The following RORB variants were observed in gnomAD, a reference collection of about 807,000 sequenced individuals.
The protein encoded by RORB is RAR related orphan receptor B.
Under a neutral mutation model 59.1 loss-of-function variants are expected in RORB, and 6 were observed. The ratio of observed to expected loss-of-function variants is 0.10; its 90% CI spans 0.06 to 0.20. The LOEUF is 0.20. Ranked by LOEUF, RORB falls within the 10% of genes least tolerant of loss-of-function variation. The probability of loss-of-function intolerance (pLI) is 1.00; values close to 1 mark genes in which losing one functional copy is unlikely to be tolerated. For missense variants in RORB, 320 were observed against 560.5 expected (o/e 0.57, Z 4.33); for synonymous variants, 215 against 204.5 (o/e 1.05, Z -0.44).
chr9:74,621,677 G>A (rs1054816566), intron 1 of RORB, among the ~76,000 whole-genome samples: 38 of 152,172 alleles, frequency 2.5e-4, no homozygotes, highest in Non-Finnish European at 4.1e-4. Context: ...GCCTTCCAAA[G>A]TGGGTGTACC....
intron 7 of RORB, among the ~76,000 whole-genome samples, chr9:74,666,617 C>G (rs1027141306): frequency 3.3e-5 from 5 of 151,912 alleles, no homozygotes; most frequent in African/African-American, 1.2e-4. Context: ...GTGGTGACCT[C>G]TTGCGTTTCT....
intron 1 of RORB, among the ~76,000 whole-genome samples, chr9:74,613,213 C>T (rs1183576679): frequency 6.6e-6 from 1 of 152,196 alleles, no homozygotes; most frequent in Non-Finnish European, 1.5e-5. Flanking sequence ...AGCACTTTCA[C>T]ATTTACTCCT....
Position 74,685,717 on chromosome 9 carries a change from A to G in RORB, c.*99A>G. The stretch of plus-strand genomic sequence containing the variant: ...TTAAGAAAAATGTCACTACTGCAAC[A>G]TTAGGAATGTCCTGCACTTAATAGA... On this transcript the variant is annotated 3_prime_UTR_variant, in exon 10 of 10. Transcript: ENST00000376896. 2.3e-6 allele frequency: 2 copies of G among 868,470 alleles called. No individual in the cohort carries two copies. The allele number at this position is 868,470 out of a possible 1,614,324, so 53.8% of individuals were successfully genotyped here.
At chr9:74,521,808 T>C (rs1250338184) in intron 1 of RORB, among the ~76,000 whole-genome samples, 1 of 151,782 alleles carries the variant, frequency 6.6e-6, no homozygotes, top group Non-Finnish European at 1.5e-5. Flanking sequence ...ACCAAGAAAA[T>C]TGAACCATAC....
intron 1 of RORB, among the ~76,000 whole-genome samples, chr9:74,629,400 C>A (rs1823577748): frequency 6.6e-6 from 1 of 151,742 alleles, no homozygotes. Context: ...GGCATCAACC[C>A]TCTAGCCAAT....
At chr9:74,527,850 A>G (rs1368830066) in intron 1 of RORB, among the ~76,000 whole-genome samples, 1 of 151,956 alleles carries the variant, frequency 6.6e-6, no homozygotes, top group Non-Finnish European at 1.5e-5. Flanking sequence ...CTCTCTGTGT[A>G]TCTCACCAGC....
chr9:74,665,415 A>G, intron 6 of RORB, 73 bp from the exon 7 acceptor site: 1 of 826,616 alleles, frequency 1.2e-6, no homozygotes, highest in Non-Finnish European at 1.9e-6. Context: ...ACCTATATGC[A>G]GTAATAATTT....
chr9:74,527,513 T>C (rs1458125651), intron 1 of RORB, among the ~76,000 whole-genome samples: 1 of 152,036 alleles, frequency 6.6e-6, no homozygotes, highest in Admixed American at 6.6e-5. Context: ...GGAAGAGGTT[T>C]AGAAACTGTC....
rs1326620043 is a variant in RORB at position 74,513,244 on chromosome 9, A to G, written c.7+15261A>G. On this transcript the variant is annotated intron_variant, in intron 1 of 9. Coordinates refer to ENST00000376896, the MANE Select transcript of RORB (RefSeq NM_006914.4). ...AAAATATAAATAGAATCGATGTGAA[A>G]CCCCATTACATCCTAGTAGTAAATA... is the stretch of plus-strand genomic sequence containing the variant. Among the ~76,000 whole-genome samples, 6 of 152,152 alleles carry G rather than the reference A, an allele frequency of 3.9e-5. No homozygotes were observed. The South Asian group carries it at 1.2e-3, about 32-fold the overall frequency.
At chr9:74,660,870 A>T (rs1824169964) in intron 5 of RORB, 132 bp downstream of exon 5, 1 of 883,802 alleles carries the variant, frequency 1.1e-6, no homozygotes, top group Non-Finnish European at 1.7e-6. Context: ...TTCGATACTT[A>T]CCAGCATCCC....
chr9:74,510,369 A>G (rs1825920103), intron 1 of RORB, among the ~76,000 whole-genome samples: 1 of 152,118 alleles, frequency 6.6e-6, no homozygotes, highest in Non-Finnish European at 1.5e-5. Context: ...TGCTTGCTCC[A>G]TTTTAGATAT....
chr9:74,584,855 C>G (rs1368503113), intron 1 of RORB, among the ~76,000 whole-genome samples: 2 of 152,122 alleles, frequency 1.3e-5, no homozygotes, highest in African/African-American at 4.8e-5. Flanking sequence ...AGTGGATAGC[C>G]AGTTATGCTA....
At chr9:74,610,434 A>G (rs1393188735) in intron 1 of RORB, among the ~76,000 whole-genome samples, 3 of 152,252 alleles carry the variant, frequency 2.0e-5, no homozygotes, top group African/African-American at 7.2e-5. Flanking sequence ...GTATCCTAGT[A>G]ATGGTTCAAA....
chr9:74,582,403 T>C (rs541584951), intron 1 of RORB, among the ~76,000 whole-genome samples: 3 of 152,268 alleles, frequency 2.0e-5, no homozygotes, highest in African/African-American at 7.2e-5. Context: ...GAAAAATGGC[T>C]CAGAGCCCAT....
At chr9:74,655,784 G>A (rs989122087) in intron 4 of RORB, among the ~76,000 whole-genome samples, 10 of 152,140 alleles carry the variant, frequency 6.6e-5, no homozygotes, top group Non-Finnish European at 1.5e-4. Context: ...TTGACAGAAT[G>A]AGCCCTCCAG....
intron 1 of RORB, among the ~76,000 whole-genome samples, chr9:74,516,299 C>T (rs1270935743): frequency 6.6e-6 from 1 of 151,914 alleles, no homozygotes; most frequent in African/African-American, 2.4e-5. Context: ...TTTATTGTCA[C>T]ACACAAAAAA....
chr9:74,632,346 T>C (rs752248947), intron 2 of RORB, among the ~76,000 whole-genome samples: 2 of 152,158 alleles, frequency 1.3e-5, no homozygotes, highest in African/African-American at 2.4e-5. Context: ...TTTAAATTCA[T>C]GGAAAAAACC....
chr9:74,581,423 T>C (rs952829585), intron 1 of RORB, among the ~76,000 whole-genome samples: 1 of 151,964 alleles, frequency 6.6e-6, no homozygotes, highest in African/African-American at 2.4e-5. Context: ...GGAAACCAGG[T>C]TTGTTTTGTT....
chr9:74,624,605 C>A (rs1240223644), intron 1 of RORB, among the ~76,000 whole-genome samples: 1 of 152,188 alleles, frequency 6.6e-6, no homozygotes, highest in Non-Finnish European at 1.5e-5. Context: ...GAGATACCTG[C>A]TGCATCACAG....
Sources: allele counts gnomAD v4.1 joint callset (sites outside exome capture counted in the v4.1 genomes callset), GRCh38; gene constraint gnomAD v4.1.1; transcripts MANE v1.5; gene names NCBI Gene and HGNC (gene_info 2026-07-23, HGNC 2026-07-21).